UGT1A10: variants seen among roughly 807,000 people sequenced by gnomAD.
The protein encoded by UGT1A10 is UDP glucuronosyltransferase family 1 member A10, also known as UDP-glucuronosyltransferase 1A10.
A neutral mutation model predicts 45.8 loss-of-function variants in UGT1A10; 49 were observed. The ratio of observed to expected loss-of-function variants is 1.07; its 90% CI spans 0.85 to 1.36. The LOEUF (loss-of-function observed/expected upper bound fraction) is 1.36, where lower values mean the gene tolerates loss of function less well. UGT1A10 is among the 40% of genes most tolerant of loss of function. The pLI, the probability that UGT1A10 is intolerant of heterozygous loss-of-function variation, is 0.00. For synonymous variants in UGT1A10, 284 were observed against 249.7 expected (o/e 1.14, Z -1.29); for missense variants, 745 against 668.6 (o/e 1.11, Z -1.26).
intron 1 of UGT1A10, among the ~76,000 whole-genome samples, chr2:233,737,512 C>T (rs2078888926): frequency 6.6e-6 from 1 of 152,170 alleles, no homozygotes; most frequent in African/African-American, 2.4e-5. Context: ...CTTGCACTTC[C>T]TAGGTGAGGC....
chr2:233,651,269 C>T (rs1333217204), intron 1 of UGT1A10, among the ~76,000 whole-genome samples: 2 of 152,182 alleles, frequency 1.3e-5, no homozygotes, highest in East Asian at 1.9e-4. Context: ...CCTGAACCCA[C>T]ACTGAGTTCC....
chr2:233,763,191 T>C lies in UGT1A10; in HGVS notation c.856-3843T>C, dbSNP rs182750749. Among the ~76,000 whole-genome samples, 498 of 152,362 alleles carry C rather than the reference T, an allele frequency of 3.3e-3. 1 individual carries two copies. Among genetic ancestry groups the C allele is most frequent in the South Asian group, 5.6e-3 (27 of 4,830 alleles). ...GTTGACTACATATTTGTTGTTGCCT[T>C]GTTTGGTGCAGTCAGGCTTAGGTGT... is the stretch of plus-strand genomic sequence containing the variant. On this transcript the variant is annotated intron_variant, in intron 1 of 4. Coordinates refer to ENST00000344644, the MANE Select transcript of UGT1A10 (RefSeq NM_019075.4).
intron 1 of UGT1A10, chr2:233,760,668 T>C: frequency 6.2e-7 from 1 of 1,614,252 alleles, no homozygotes; most frequent in Non-Finnish European, 8.5e-7. Context: ...TGTCTGGCTG[T>C]TCCCACTTAC....
At position 233,768,743 on chromosome 2, in the gene UGT1A10, C is replaced by T. The variant is rs540797215; in HGVS notation, c.1295+304C>T. Among the ~76,000 whole-genome samples the T allele has an allele frequency of 5.3e-5, 8 of 151,788 alleles. No homozygotes were observed. In the South Asian group the frequency reaches 1.3e-3, roughly 24 times the overall value. On this transcript the variant is annotated intron_variant, in intron 4 of 4. Coordinates refer to ENST00000344644, the MANE Select transcript of UGT1A10 (RefSeq NM_019075.4). ...GATTACAGGTGTCCACCACCACGCC[C>T]GGTTAATTTTTGTATTTTTTAGTAG...
At chr2:233,734,548 T>C (rs1157329537) in intron 1 of UGT1A10, among the ~76,000 whole-genome samples, 1 of 152,212 alleles carries the variant, frequency 6.6e-6, no homozygotes, top group Non-Finnish European at 1.5e-5. Context: ...TTTCTTCCCT[T>C]CTGCTAGCTT....
chr2:233,647,731 A>G (rs574270263), intron 1 of UGT1A10, among the ~76,000 whole-genome samples: 1 of 152,312 alleles, frequency 6.6e-6, no homozygotes, highest in East Asian at 1.9e-4. Context: ...TGGTGATACT[A>G]CTGCTCTCAT....
intron 1 of UGT1A10, chr2:233,692,360 A>G (rs2125551379): frequency 6.4e-6 from 1 of 155,082 alleles, no homozygotes; most frequent in South Asian, 2.0e-4. Context: ...TCTGTGAGCC[A>G]TTCTAGCAAA....
intron 1 of UGT1A10, among the ~76,000 whole-genome samples, chr2:233,679,850 G>A (rs1270447639): frequency 6.6e-6 from 1 of 151,892 alleles, no homozygotes; most frequent in Non-Finnish European, 1.5e-5. Context: ...AATCACATTG[G>A]CATCTATAAA....
chr2:233,732,918 G>A (rs1288769205), intron 1 of UGT1A10, among the ~76,000 whole-genome samples: 3 of 151,996 alleles, frequency 2.0e-5, no homozygotes, highest in Non-Finnish European at 2.9e-5. Flanking sequence ...CCATTTTCAC[G>A]ATATTGATTC....
At chr2:233,710,732 C>G (rs1375598699) in intron 1 of UGT1A10, among the ~76,000 whole-genome samples, 1 of 152,164 alleles carries the variant, frequency 6.6e-6, no homozygotes, top group Non-Finnish European at 1.5e-5. Context: ...AAAACAACGT[C>G]TTTCAAGGAG....
intron 1 of UGT1A10, among the ~76,000 whole-genome samples, chr2:233,725,807 A>G (rs2077476703): frequency 6.6e-6 from 1 of 152,102 alleles, no homozygotes; most frequent in Non-Finnish European, 1.5e-5. Context: ...CTTAAAATCC[A>G]TTTTATTGGA....
chr2:233,749,355 G>C (rs1054552103), intron 1 of UGT1A10, among the ~76,000 whole-genome samples: 3 of 151,804 alleles, frequency 2.0e-5, no homozygotes, highest in African/African-American at 4.9e-5. Flanking sequence ...AATTTAAATA[G>C]TGACTCTTGC....
rs557278496 is a variant in UGT1A10, at chr2:233,723,289, A to T, written c.856-43745A>T. On this transcript the variant is annotated intron_variant, in intron 1 of 4. Coordinates refer to ENST00000344644, the MANE Select transcript of UGT1A10 (RefSeq NM_019075.4). ...CAATGGCACGATGTTGGCTCACTGC[A>T]ACCTCTGCCTCCCAGGTTCAAGCAA... 6.7e-4 allele frequency among the ~76,000 whole-genome samples: 77 copies of T among 114,264 alleles called. 5 individuals carry two copies. The highest frequency in any genetic ancestry group is 9.8e-4 in the Non-Finnish European group (58 of 58,990). The allele number at this position is 114,264 out of a possible 152,430, so 75.0% of individuals were successfully genotyped here.
chr2:233,643,954 T>G (rs2073530274), intron 1 of UGT1A10, among the ~76,000 whole-genome samples: 1 of 152,052 alleles, frequency 6.6e-6, no homozygotes, highest in Non-Finnish European at 1.5e-5. Flanking sequence ...CTTTTCCCTC[T>G]CCTCTCCTCA....
At chr2:233,712,844 G>A (rs2076257944) in intron 1 of UGT1A10, 2 of 1,520,210 alleles carry the variant, frequency 1.3e-6, no homozygotes, top group Non-Finnish European at 1.8e-6. Flanking sequence ...TAGATTAACG[G>A]GTAATAAGTA....
chr2:233,750,021 A>C (rs894423402), intron 1 of UGT1A10, among the ~76,000 whole-genome samples: 1 of 151,886 alleles, frequency 6.6e-6, no homozygotes, highest in African/African-American at 2.4e-5. Context: ...AGAGTGGAGT[A>C]CTGCTATAAA....
At chr2:233,693,087 A>G in intron 1 of UGT1A10, 1 of 1,614,160 alleles carries the variant, frequency 6.2e-7, no homozygotes, top group South Asian at 1.1e-5. Flanking sequence ...GTAGGTGACA[A>G]GCTGCTGGTG....
Position 233,755,239 on chromosome 2 carries a change from G to A in UGT1A10, c.856-11795G>A, listed in dbSNP as rs1377553031. On this transcript the variant is annotated intron_variant, in intron 1 of 4. Transcript: ENST00000344644. Reference sequence around the variant, plus strand: ...ATACCCTCGGACGAGGCCTACCGGGGTACTCCCAGCACCTCGTAGTAGTCC... The same window carrying A: ...ATACCCTCGGACGAGGCCTACCGGGATACTCCCAGCACCTCGTAGTAGTCC... 1.2e-5 allele frequency: 11 copies of A among 885,954 alleles called. No individual in the cohort carries two copies. In the South Asian group the frequency reaches 1.4e-4, roughly 11 times the overall value. The allele number at this position is 885,954 out of a possible 1,614,324, so 54.9% of individuals were successfully genotyped here.
At chr2:233,724,466 G>A (rs1369027656) in intron 1 of UGT1A10, among the ~76,000 whole-genome samples, 1 of 77,178 alleles carries the variant, frequency 1.3e-5, no homozygotes, top group African/African-American at 4.9e-5. Context: ...GGGCGGAGGG[G>A]CTCCTCACTT....
Sources: gnomAD v4.1 joint callset for allele counts (sites outside exome capture counted in the v4.1 genomes callset) on GRCh38, gnomAD v4.1.1 for gene constraint, MANE v1.5 for transcripts, NCBI Gene and HGNC (gene_info 2026-07-23, HGNC 2026-07-21) for gene names.